Variants in YY1 observed in about 807,000 individuals in gnomAD.
YY1 encodes transcriptional repressor protein YY1.
YY1 carries 2 observed loss-of-function variants against 35.6 expected under a neutral mutation model. That is an observed-to-expected ratio of 0.06 (90% CI 0.02 to 0.18). The LOEUF is 0.18. YY1 is among the 10% of genes least tolerant of loss of function. The probability of loss-of-function intolerance (pLI) is 1.00; values close to 1 mark genes in which losing one functional copy is unlikely to be tolerated. For missense variants in YY1, 322 were observed against 573.4 expected (o/e 0.56, Z 4.48); for synonymous variants, 268 against 238.9 (o/e 1.12, Z -1.12).
chr14:100,245,643 G>A (rs1794639901), intron 1 of YY1, among the ~76,000 whole-genome samples: 1 of 151,870 alleles, frequency 6.6e-6, no homozygotes, highest in Non-Finnish European at 1.5e-5. Context: ...GTCTCGCTTT[G>A]TTGCCCAGGC....
chr14:100,274,966 G>A (rs990958216), intron 3 of YY1, among the ~76,000 whole-genome samples: 3 of 152,152 alleles, frequency 2.0e-5, no homozygotes, highest in Non-Finnish European at 2.9e-5. Context: ...GCAGGGAGCC[G>A]TTGCTTGATT....
intron 2 of YY1, among the ~76,000 whole-genome samples, chr14:100,270,734 T>G (rs1445556951): frequency 6.6e-6 from 1 of 152,220 alleles, no homozygotes; most frequent in African/African-American, 2.4e-5. Context: ...GTATGTACTA[T>G]TCTGTGAATT....
At chr14:100,273,906 T>C (rs1891282794) in intron 2 of YY1, among the ~76,000 whole-genome samples, 1 of 152,080 alleles carries the variant, frequency 6.6e-6, no homozygotes, top group African/African-American at 2.4e-5. Flanking sequence ...ACCAGGAGGC[T>C]CTCTGGACAG....
chr14:100,249,769 T>TTTG (rs1890896948), intron 1 of YY1, among the ~76,000 whole-genome samples: 1 of 147,624 alleles, frequency 6.8e-6, no homozygotes, highest in Non-Finnish European at 1.5e-5. Flanking sequence ...TGTTTGTTTT[T>TTTG]GTTTTTGTTT....
intron 2 of YY1, among the ~76,000 whole-genome samples, chr14:100,270,196 G>A (rs915960440): frequency 1.3e-5 from 2 of 148,346 alleles, no homozygotes; most frequent in East Asian, 4.0e-4. Flanking sequence ...CTGGGAGGCG[G>A]AGCTTGCAGT....
intron 1 of YY1, among the ~76,000 whole-genome samples, chr14:100,248,354 C>A (rs1890867725): frequency 6.6e-6 from 1 of 152,050 alleles, no homozygotes; most frequent in African/African-American, 2.4e-5. Context: ...AATCTCCTGA[C>A]CTCGTGATCC....
In YY1 at chr14:100,262,359, G is replaced by A. The variant is rs149810997; in HGVS notation, c.735G>A (p.Glu245=). 58 of 1,614,060 alleles carry A rather than the reference G, an allele frequency of 3.6e-5. No homozygotes were observed. The African/African-American group carries it at 7.2e-4, about 20-fold the overall frequency. ...TGGTTGAAGAACAGATCATTGGAGA[G>A]AACTCACCTCCTGATTATTCAGAAT... ...ETVVEEQIIG[E]NSPPDYSEYM... is the part of the protein sequence containing the mutation. Residue 245 remains glutamate (E), a synonymous_variant, in exon 2 of 5, where the codon GAG becomes GAA. Coordinates refer to ENST00000262238, the MANE Select transcript of YY1 (RefSeq NM_003403.5).
chr14:100,274,555 C>T (rs1221701949), intron 2 of YY1, 143 bp from the exon 3 acceptor site: 1 of 700,780 alleles, frequency 1.4e-6, no homozygotes, highest in Non-Finnish European at 2.5e-6. Context: ...TGCAAGTTGT[C>T]TCATCCTTTC....
chr14:100,264,434 C>T (rs1891125667), intron 2 of YY1, among the ~76,000 whole-genome samples: 1 of 152,216 alleles, frequency 6.6e-6, no homozygotes, highest in East Asian at 1.9e-4. Flanking sequence ...ACCTTGGCTT[C>T]CCAAAATGAT....
chr14:100,243,134 A>G (rs146607287), intron 1 of YY1, among the ~76,000 whole-genome samples: 2 of 152,360 alleles, frequency 1.3e-5, no homozygotes, highest in Non-Finnish European at 2.9e-5. Context: ...TCCCAAGCTG[A>G]AATTCTGAAG....
intron 1 of YY1, among the ~76,000 whole-genome samples, chr14:100,242,739 C>T (rs913549132): frequency 1.3e-5 from 2 of 151,248 alleles, no homozygotes; most frequent in Non-Finnish European, 2.9e-5. Context: ...ACGTCCGTTT[C>T]TTTTCTTCTC....
chr14:100,250,003 C>T (rs893368308), intron 1 of YY1, among the ~76,000 whole-genome samples: 10 of 152,208 alleles, frequency 6.6e-5, no homozygotes, highest in Admixed American at 3.9e-4. Context: ...GAACTCCCGA[C>T]CTCAGGTGAT....
intron 1 of YY1, among the ~76,000 whole-genome samples, chr14:100,246,197 C>T (rs962115549): frequency 1.3e-5 from 2 of 152,212 alleles, no homozygotes; most frequent in African/African-American, 4.8e-5. Context: ...CACCCCGTTT[C>T]CATTTCCATA....
chr14:100,257,409 A>T (rs1359047136), intron 1 of YY1, among the ~76,000 whole-genome samples: 1 of 152,210 alleles, frequency 6.6e-6, no homozygotes, highest in East Asian at 1.9e-4. Context: ...CTTCTGTCTC[A>T]GCACACTTGA....
In YY1 at chr14:100,239,766, G is replaced by T; in HGVS notation, c.522G>T (p.Lys174Asn). ...SSSSGGGRVK[K>N]GGGKKSGKKS... ...CGTCGGGAGGCGGCCGCGTCAAGAA[G>T]GGCGGCGGCAAGAAGAGCGGCAAGA... Residue 174 changes from lysine to asparagine, a missense_variant, in exon 1 of 5, where the codon AAG becomes AAT. Lys to Asn is a moderately conservative substitution (Grantham distance 94, BLOSUM62 0). Transcript: ENST00000262238. The T allele has an allele frequency of 6.3e-7, 1 of 1,578,042 alleles. No individual in the cohort carries two copies.
intron 1 of YY1, among the ~76,000 whole-genome samples, chr14:100,260,697 T>A (rs1388268139): frequency 6.7e-6 from 1 of 148,670 alleles, no homozygotes; most frequent in Non-Finnish European, 1.5e-5. Context: ...GGTCTCGATC[T>A]CCTGACCTCG....
intron 1 of YY1, among the ~76,000 whole-genome samples, chr14:100,249,419 T>C (rs1014346712): frequency 6.6e-6 from 1 of 151,948 alleles, no homozygotes; most frequent in African/African-American, 2.4e-5. Context: ...CGTGCCTGGC[T>C]TTCTTGTGTA....
chr14:100,258,605 G>A (rs1039893841), intron 1 of YY1, among the ~76,000 whole-genome samples: 7 of 152,042 alleles, frequency 4.6e-5, no homozygotes, highest in African/African-American at 7.2e-5. Context: ...CGCCCGCCTC[G>A]GCTTCCCAAA....
chr14:100,281,107 C>G lies in YY1; in HGVS notation c.*3507C>G, dbSNP rs1430565100. On this transcript the variant is annotated 3_prime_UTR_variant, in exon 5 of 5. Transcript: ENST00000262238. ...AAAAAAGGAAACCTGACAATTCTACCCACCTCCCCCCACCCCCGACTATAG... is the reference window on the plus strand; with the variant it reads ...AAAAAAGGAAACCTGACAATTCTACGCACCTCCCCCCACCCCCGACTATAG... 3 of 149,730 alleles carry G rather than the reference C, an allele frequency of 2.0e-5. No individual in the cohort carries two copies. 9.3% of individuals were successfully genotyped at this position (149,730 alleles called of 1,614,324 possible).
Sources: gnomAD v4.1 joint callset for allele counts (sites outside exome capture counted in the v4.1 genomes callset) on GRCh38, gnomAD v4.1.1 for gene constraint, MANE v1.5 for transcripts, NCBI Gene and HGNC (gene_info 2026-07-23, HGNC 2026-07-21) for gene names.